Variants in EPHA6 observed in about 807,000 individuals in gnomAD.
EPHA6 encodes EPH receptor A6.
A neutral mutation model predicts 112.0 loss-of-function variants in EPHA6; 50 were observed. The observed-to-expected ratio is 0.45, with a 90% CI of 0.36 to 0.56. EPHA6 has a LOEUF of 0.56. EPHA6 is among the 20% of genes least tolerant of loss of function. The pLI is 0.00. For missense variants in EPHA6, 1,280 were observed against 1,417.4 expected, an observed-to-expected ratio of 0.90 and a Z score of 1.56; for synonymous variants, 529 against 490.7, an observed-to-expected ratio of 1.08 and a Z score of -1.03.
chr3:97,460,316 G>C (rs1328700020), intron 7 of EPHA6, among the ~76,000 whole-genome samples: 2 of 152,192 alleles, frequency 1.3e-5, no homozygotes, highest in Admixed American at 1.3e-4. Context: ...ACCTAAGGAT[G>C]GCAATGTAGT....
rs1280555336 is a variant in EPHA6, at chr3:97,000,257, G to T, written c.1114+12264G>T. ...TCTATTCCAATTACCATGTGTGTATGTATAAACACACACACACACACACAC... is the reference window on the plus strand; with the variant it reads ...TCTATTCCAATTACCATGTGTGTATTTATAAACACACACACACACACACAC... On this transcript the variant is annotated intron_variant, in intron 3 of 17. Coordinates refer to ENST00000389672, the MANE Select transcript of EPHA6 (RefSeq NM_001080448.3). 3.2e-5 allele frequency among the ~76,000 whole-genome samples: 4 copies of T among 124,808 alleles called. No homozygotes were observed. The South Asian group carries it at 6.9e-4, about 22-fold the overall frequency. 81.9% of individuals were successfully genotyped at this position (124,808 alleles called of 152,430 possible).
At chr3:97,273,170 A>G (rs541130768) in intron 5 of EPHA6, among the ~76,000 whole-genome samples, 2 of 152,340 alleles carry the variant, frequency 1.3e-5, no homozygotes, top group South Asian at 4.1e-4. Context: ...AAAAACAGGT[A>G]TTAAAGGTCT....
intron 2 of EPHA6, among the ~76,000 whole-genome samples, chr3:96,868,010 A>G (rs185668172): frequency 1.6e-4 from 25 of 152,030 alleles, no homozygotes; most frequent in Non-Finnish European, 3.2e-4. Flanking sequence ...TCTGAGGTAT[A>G]TATCTTAAAC....
chr3:97,742,181 AAC>A (rs2035532682), intron 16 of EPHA6, among the ~76,000 whole-genome samples: 1 of 152,078 alleles, frequency 6.6e-6, no homozygotes, highest in South Asian at 2.1e-4. Flanking sequence ...TAATCATCAC[AAC>A]ACTCTCCTGC....
At position 97,648,405 on chromosome 3, in the gene EPHA6, A is replaced by G; in HGVS notation, c.2784+10323A>G. 3.3e-6 allele frequency: 5 copies of G among 1,525,028 alleles called. No homozygotes were observed. In the South Asian group the frequency reaches 6.8e-5, roughly 21 times the overall value. 94.5% of individuals were successfully genotyped at this position (1,525,028 alleles called of 1,614,324 possible). A position where few individuals can be genotyped will look rare whatever the true frequency, so the allele number is the denominator to read the frequency against. Reference sequence around the variant, plus strand: ...ACCCAACTGGAGATAATTATAAAAAATAATGAAGCAGCATGAGGGGAAGGT... The same window carrying G: ...ACCCAACTGGAGATAATTATAAAAAGTAATGAAGCAGCATGAGGGGAAGGT... On this transcript the variant is annotated intron_variant, in intron 14 of 17. Transcript: ENST00000389672.
intron 2 of EPHA6, among the ~76,000 whole-genome samples, chr3:96,980,464 A>G (rs545945574): frequency 5.3e-5 from 8 of 152,206 alleles, no homozygotes; most frequent in East Asian, 1.9e-4. Context: ...GCCTTGTAGT[A>G]TAGTTTGAAG....
chr3:97,523,224 T>C (rs1049462964), intron 10 of EPHA6, among the ~76,000 whole-genome samples: 12 of 152,138 alleles, frequency 7.9e-5, no homozygotes, highest in Non-Finnish European at 1.6e-4. Context: ...TAGTATGTTG[T>C]ATTTTCATTT....
intron 3 of EPHA6, among the ~76,000 whole-genome samples, chr3:97,200,903 T>G (rs528340753): frequency 6.6e-6 from 1 of 152,254 alleles, no homozygotes; most frequent in Non-Finnish European, 1.5e-5. Context: ...GAAAATGTGA[T>G]AGTTCTTTGT....
At chr3:97,177,652 T>C (rs2076873974) in intron 3 of EPHA6, among the ~76,000 whole-genome samples, 1 of 151,986 alleles carries the variant, frequency 6.6e-6, no homozygotes, top group Admixed American at 6.6e-5. Context: ...TTCATATATA[T>C]TTACAATTAT....
intron 5 of EPHA6, among the ~76,000 whole-genome samples, chr3:97,312,585 C>G (rs1231911698): frequency 6.6e-6 from 1 of 151,462 alleles, no homozygotes; most frequent in African/African-American, 2.4e-5. Flanking sequence ...CTTCTGGTCC[C>G]AATCATTTTG....
intron 11 of EPHA6, among the ~76,000 whole-genome samples, chr3:97,544,789 G>T (rs1256719480): frequency 6.6e-6 from 1 of 152,156 alleles, no homozygotes; most frequent in Non-Finnish European, 1.5e-5. Flanking sequence ...GGTCTATTCA[G>T]AGATTCAACT....
chr3:97,347,668 A>G (rs2083599702), intron 5 of EPHA6, among the ~76,000 whole-genome samples: 2 of 152,108 alleles, frequency 1.3e-5, no homozygotes. Flanking sequence ...AAAGAGCCAT[A>G]ATTCTTAGAG....
intron 5 of EPHA6, among the ~76,000 whole-genome samples, chr3:97,322,629 A>G (rs1008491656): frequency 1.3e-5 from 2 of 152,100 alleles, no homozygotes; most frequent in African/African-American, 4.8e-5. Context: ...TATTGGCTGG[A>G]AAAAATATTC....
At chr3:97,157,781 T>A (rs1024565589) in intron 3 of EPHA6, among the ~76,000 whole-genome samples, 1 of 152,138 alleles carries the variant, frequency 6.6e-6, no homozygotes, top group African/African-American at 2.4e-5. Flanking sequence ...GACTTTTTGT[T>A]GGTTCAGATC....
chr3:97,142,372 G>T (rs1266880272), intron 3 of EPHA6, among the ~76,000 whole-genome samples: 1 of 151,836 alleles, frequency 6.6e-6, no homozygotes, highest in East Asian at 1.9e-4. Context: ...GTGCTTTTGG[G>T]TTAATGAAAT....
chr3:97,567,814 A>C (rs1353822376), intron 11 of EPHA6, among the ~76,000 whole-genome samples: 2 of 152,202 alleles, frequency 1.3e-5, no homozygotes, highest in Admixed American at 1.3e-4. Flanking sequence ...AGGCACAGCA[A>C]GCTATGCAAG....
At chr3:97,289,154 C>T (rs536477964) in intron 5 of EPHA6, among the ~76,000 whole-genome samples, 37 of 152,182 alleles carry the variant, frequency 2.4e-4, no homozygotes, top group Non-Finnish European at 4.1e-4. Context: ...ATTTCTTTCC[C>T]AAGGCCAATG....
intron 3 of EPHA6, among the ~76,000 whole-genome samples, chr3:97,093,208 TGTATGA>T (rs2047128120): frequency 6.6e-6 from 1 of 152,150 alleles, no homozygotes; most frequent in African/African-American, 2.4e-5. Context: ...TCAAGCTAAC[TGTATGA>T]CTTTAAAAAC....
rs145113129 is a variant in EPHA6 at position 97,084,067 on chromosome 3, AGTGTGTGT to A, written c.1114+96096_1114+96103del. On this transcript the variant is annotated intron_variant, in intron 3 of 17. Coordinates refer to ENST00000389672, the MANE Select transcript of EPHA6 (RefSeq NM_001080448.3). ...TAGGGGTGGTACATTTATTTCTTAA[AGTGTGTGT>A]GTGTGTGTGTGTGTGTGTGTGCATG... Among the ~76,000 whole-genome samples the A allele has an allele frequency of 1.2e-3, 134 of 109,718 alleles. 2 individuals are homozygous for A. The Middle Eastern group carries it at 0.021, about 17-fold the overall frequency. The allele number at this position is 109,718 out of a possible 152,430, so 72.0% of individuals were successfully genotyped here.
Sources: gnomAD v4.1 joint callset for allele counts (sites outside exome capture counted in the v4.1 genomes callset) on GRCh38, gnomAD v4.1.1 for gene constraint, MANE v1.5 for transcripts, NCBI Gene and HGNC (gene_info 2026-07-23, HGNC 2026-07-21) for gene names.